Variants in CFAP74 observed in about 807,000 individuals in gnomAD.
CFAP74 encodes cilia and flagella associated protein 74, also known as cilia- and flagella-associated protein 74.
A neutral mutation model predicts 188.9 loss-of-function variants in CFAP74; 124 were observed. The observed-to-expected ratio is 0.66, with a 90% CI of 0.57 to 0.76. CFAP74 has a LOEUF of 0.76. Among genes scored for constraint, CFAP74 ranks in the 30% least tolerant of loss-of-function variants. The probability of loss-of-function intolerance (pLI) is 0.00; values close to 1 mark genes in which losing one functional copy is unlikely to be tolerated. For synonymous variants in CFAP74, 956 were observed against 916.7 expected (o/e 1.04, Z -0.77); for missense variants, 2,198 against 2,165.2 (o/e 1.02, Z -0.30).
chr1:1,971,041 A>G (rs1307270382), intron 9 of CFAP74, among the ~76,000 whole-genome samples: 1 of 148,586 alleles, frequency 6.7e-6, no homozygotes, highest in East Asian at 2.0e-4. Flanking sequence ...ACACCTGCAC[A>G]CACGTGCACA....
chr1:1,935,636 A>G (rs976287302), intron 25 of CFAP74, among the ~76,000 whole-genome samples: 1 of 151,972 alleles, frequency 6.6e-6, no homozygotes, highest in East Asian at 1.9e-4. Context: ...CCTGACAGTG[A>G]CGGGCTCTGG....
intron 6 of CFAP74, among the ~76,000 whole-genome samples, chr1:1,980,152 C>T (rs1323797447): frequency 1.5e-5 from 1 of 66,294 alleles, no homozygotes; most frequent in East Asian, 4.2e-4. Flanking sequence ...GTGGGGAGGA[C>T]GGGTGAACGA....
In CFAP74 at chr1:1,956,844, G is replaced by A. The variant is rs144528513; in HGVS notation, c.1852-60C>T. Reference sequence around the variant, plus strand: ...GTGCCAGGCCCACAGGGTGCCCAGCGTGAGGCCTGCACGTGGCTCCAGGCA... The same window carrying A: ...GTGCCAGGCCCACAGGGTGCCCAGCATGAGGCCTGCACGTGGCTCCAGGCA... On this transcript the variant is annotated intron_variant, in intron 16 of 38. Transcript: ENST00000682832. 1,680 of 1,565,696 alleles carry A rather than the reference G, an allele frequency of 1.1e-3. 59 individuals are homozygous for A. The East Asian group carries it at 0.039, about 36-fold the overall frequency.
chr1:2,003,501 G>A (rs1272530934), intron 1 of CFAP74, among the ~76,000 whole-genome samples, 200 bp downstream of exon 1: 1 of 152,178 alleles, frequency 6.6e-6, no homozygotes, highest in Non-Finnish European at 1.5e-5. Context: ...GCAAAGTCAG[G>A]GGCGGGTCCC....
intron 6 of CFAP74, among the ~76,000 whole-genome samples, chr1:1,979,604 G>GC (rs1349529373): frequency 2.4e-5 from 3 of 124,774 alleles, no homozygotes; most frequent in African/African-American, 8.7e-5. Context: ...GTGGTACTGA[G>GC]CTGGGTGTGG....
At chr1:1,940,171 C>T (rs1216819267) in intron 23 of CFAP74, 145 bp downstream of exon 23, 1 of 670,100 alleles carries the variant, frequency 1.5e-6, no homozygotes, top group East Asian at 2.7e-5. Flanking sequence ...GCAGGCAAGC[C>T]CCTCTGGCCG....
In CFAP74 at chr1:1,957,215, T is replaced by C. The variant is rs143633908; in HGVS notation, c.1852-431A>G. ...CATGGGGGTGCCTCACCATGCCCGC[T>C]GTGGGCCACAGGCCACAGAAGCTCT... is the stretch of plus-strand genomic sequence containing the variant. On this transcript the variant is annotated intron_variant, in intron 16 of 38. Transcript: ENST00000682832. Among the ~76,000 whole-genome samples the C allele has an allele frequency of 7.5e-3, 1,145 of 152,268 alleles. 23 individuals carry two copies. Among genetic ancestry groups the C allele is most frequent in the African/African-American group, 0.026 (1,066 of 41,572 alleles).
intron 25 of CFAP74, among the ~76,000 whole-genome samples, chr1:1,934,215 TGTGA>T (rs1360296546): frequency 6.6e-6 from 1 of 152,198 alleles, no homozygotes; most frequent in Non-Finnish European, 1.5e-5. Context: ...TGTGTGTATG[TGTGA>T]GTGTTAGGGT....
intron 6 of CFAP74, among the ~76,000 whole-genome samples, chr1:1,976,419 A>T (rs1277068452): frequency 6.6e-6 from 1 of 152,108 alleles, no homozygotes; most frequent in South Asian, 2.1e-4. Flanking sequence ...CATGGGAGAC[A>T]CGGCTCCTTC....
intron 32 of CFAP74, 52 bp from the exon 33 acceptor site, chr1:1,925,990 G>C: frequency 6.6e-7 from 1 of 1,518,456 alleles, no homozygotes; most frequent in Non-Finnish European, 8.9e-7. Flanking sequence ...GGAGCCACGA[G>C]GGGAGCTCTG....
chr1:1,962,698 A>C (rs1291346178), intron 14 of CFAP74, among the ~76,000 whole-genome samples: 1 of 152,096 alleles, frequency 6.6e-6, no homozygotes, highest in African/African-American at 2.4e-5. Context: ...CAGCCTGGGA[A>C]ACACAGTGAA....
At chr1:1,941,543 G>C (rs1455877501) in intron 22 of CFAP74, among the ~76,000 whole-genome samples, 2 of 152,216 alleles carry the variant, frequency 1.3e-5, no homozygotes, top group African/African-American at 4.8e-5. Flanking sequence ...AGGTAAAGGA[G>C]CAAATGTCAG....
At chr1:1,965,879 G>C (rs1655432002) in intron 12 of CFAP74, among the ~76,000 whole-genome samples, 5 of 152,348 alleles carry the variant, frequency 3.3e-5, no homozygotes, top group Admixed American at 2.0e-4. Context: ...GTGGGACAGG[G>C]CCACAGCCTG....
chr1:1,965,074 G>C lies in CFAP74; in HGVS notation c.1402-13C>G. 1.2e-6 allele frequency: 2 copies of C among 1,610,206 alleles called. No homozygotes were observed. The highest frequency in any genetic ancestry group is 2.2e-5 in the East Asian group (1 of 44,786). ...CCTCCTTGGGCACCTGGGGGTCACA[G>C]AGACAGAGGCTGGGGCTGTTAGCGG... is the stretch of plus-strand genomic sequence containing the variant. On this transcript the variant is annotated splice_polypyrimidine_tract_variant and intron_variant, in intron 12 of 38. Transcript: ENST00000682832.
intron 23 of CFAP74, among the ~76,000 whole-genome samples, chr1:1,940,002 G>A (rs991884004): frequency 6.6e-6 from 1 of 152,246 alleles, no homozygotes; most frequent in East Asian, 1.9e-4. Context: ...TGGGGTGCAT[G>A]TGTCTCTGTG....
chr1:1,987,171 C>G, intron 4 of CFAP74, 136 bp from the exon 5 acceptor site: 1 of 638,104 alleles, frequency 1.6e-6, no homozygotes, highest in Non-Finnish European at 2.7e-6. Context: ...AGGGGTCTCT[C>G]TAACACCTTC....
At position 1,955,520 on chromosome 1, in the gene CFAP74, A is replaced by C. The variant is rs760920483; in HGVS notation, c.2176+171T>G. 5.6e-6 allele frequency: 9 copies of C among 1,609,192 alleles called. No homozygotes were observed. In the Admixed American group the frequency reaches 1.5e-4, roughly 27 times the overall value. Reference sequence around the variant, plus strand: ...GTACATTTTCGTCCACTCCAAAAACAACACTTAGTGGCACATAAGAATATT... The same window carrying C: ...GTACATTTTCGTCCACTCCAAAAACCACACTTAGTGGCACATAAGAATATT... On this transcript the variant is annotated intron_variant, in intron 18 of 38. Coordinates refer to ENST00000682832, the MANE Select transcript of CFAP74 (RefSeq NM_001304360.2).
chr1:1,966,588 C>T, intron 11 of CFAP74, 62 bp from the exon 12 acceptor site: 1 of 1,371,412 alleles, frequency 7.3e-7, no homozygotes, highest in Non-Finnish European at 9.5e-7. Context: ...GGAAGAGAAA[C>T]TCGGCCCAGC....
At chr1:1,971,401 TCACACATG>T (rs1014108055) in intron 9 of CFAP74, among the ~76,000 whole-genome samples, 16 of 148,794 alleles carry the variant, frequency 1.1e-4, no homozygotes, top group East Asian at 2.1e-4. Flanking sequence ...GCACACACGG[TCACACATG>T]CACACATGCA....
Sources: gnomAD v4.1 joint callset for allele counts (sites outside exome capture counted in the v4.1 genomes callset) on GRCh38, gnomAD v4.1.1 for gene constraint, MANE v1.5 for transcripts, NCBI Gene and HGNC (gene_info 2026-07-23, HGNC 2026-07-21) for gene names.